The following KLF8 variants were observed in gnomAD, a reference collection of about 807,000 sequenced individuals.
KLF8 encodes the protein KLF transcription factor 8, also known as Krueppel-like factor 8.
In KLF8, 10 loss-of-function variants were observed where a neutral mutation model predicts 18.2. The ratio of observed to expected loss-of-function variants is 0.55; its 90% CI spans 0.34 to 0.93. The LOEUF is 0.93. Ranked by LOEUF, KLF8 falls within the 40% of genes least tolerant of loss-of-function variation. The pLI, the probability that KLF8 is intolerant of heterozygous loss-of-function variation, is 0.02. For synonymous variants in KLF8, 109 were observed against 97.3 expected (o/e 1.12, Z -0.71); for missense variants, 264 against 277.9 (o/e 0.95, Z 0.36).
the KLF8 span, among the ~76,000 whole-genome samples, chrX:55,947,671 G>A: frequency 1.8e-5 from 2 of 110,942 alleles, no homozygotes; most frequent in East Asian, 2.8e-4. Context: ...CTTGAGTGTT[G>A]GGGATCAGAG....
chrX:56,163,975 G>T, the KLF8 span, among the ~76,000 whole-genome samples: 2 of 111,881 alleles, frequency 1.8e-5, no homozygotes, highest in African/African-American at 6.5e-5. Flanking sequence ...CTTTGTACCA[G>T]TACCATCCTG....
At chrX:55,966,544 C>G in the KLF8 span, among the ~76,000 whole-genome samples, 2 of 112,263 alleles carry the variant, frequency 1.8e-5, no homozygotes, top group Non-Finnish European at 3.8e-5. Context: ...AGAACTACTG[C>G]ATTACTGGAC....
At chrX:56,119,083 A>G in the KLF8 span, among the ~76,000 whole-genome samples, 1 of 111,406 alleles carries the variant, frequency 9.0e-6, no homozygotes, top group Non-Finnish European at 1.9e-5. Flanking sequence ...TATCTGAGCC[A>G]TGGAATCAAA....
the KLF8 span, among the ~76,000 whole-genome samples, chrX:55,920,728 AAG>A: frequency 9.0e-6 from 1 of 111,590 alleles, no homozygotes; most frequent in African/African-American, 3.3e-5. Flanking sequence ...ACAAAGAAAA[AAG>A]AATTTTAAAA....
At chrX:56,080,072 A>C in the KLF8 span, among the ~76,000 whole-genome samples, 1 of 111,267 alleles carries the variant, frequency 9.0e-6, no homozygotes, top group African/African-American at 3.3e-5. Flanking sequence ...TCCTGAATAC[A>C]GCACCCTGAT....
At chrX:56,227,439 C>G (rs1301356868), upstream of KLF8, among the ~76,000 whole-genome samples, 1 of 109,851 alleles carries the variant, frequency 9.1e-6, no homozygotes, top group Non-Finnish European at 1.9e-5. Flanking sequence ...CAACCTCCGC[C>G]TCCCGGGTTC....
chrX:56,174,214 A>G, the KLF8 span, among the ~76,000 whole-genome samples: 89 of 111,956 alleles, frequency 7.9e-4, no homozygotes, highest in Non-Finnish European at 1.3e-3. Context: ...CCCATTCAGT[A>G]GGATATTGGC....
At chrX:56,203,575 T>G in the KLF8 span, among the ~76,000 whole-genome samples, 1 of 112,707 alleles carries the variant, frequency 8.9e-6, no homozygotes, top group Non-Finnish European at 1.9e-5. Flanking sequence ...GATTCAAGTC[T>G]TTAATCCATT....
chrX:56,253,492 G>A (rs756903367), intron 2 of KLF8, among the ~76,000 whole-genome samples: 2 of 111,201 alleles, frequency 1.8e-5, no homozygotes, highest in African/African-American at 3.3e-5. Flanking sequence ...TATGTTCCTG[G>A]CACCTTTGTA....
At chrX:55,989,954 T>G in the KLF8 span, among the ~76,000 whole-genome samples, 1 of 112,024 alleles carries the variant, frequency 8.9e-6, no homozygotes, top group African/African-American at 3.3e-5. Flanking sequence ...GTCAAGGAAT[T>G]TACCCATTTC....
chrX:56,276,808 T>C (rs2067129017), intron 5 of KLF8, among the ~76,000 whole-genome samples: 1 of 111,684 alleles, frequency 9.0e-6, no homozygotes, highest in Non-Finnish European at 1.9e-5. Context: ...GTTGGGAAGT[T>C]CTGTGTTATT....
the KLF8 span, among the ~76,000 whole-genome samples, chrX:56,082,506 A>G: frequency 1.9e-5 from 2 of 105,925 alleles, no homozygotes; most frequent in African/African-American, 6.8e-5. Flanking sequence ...ATTTGGATTT[A>G]GTCTTTTTTT....
At chrX:56,096,234 GC>G in the KLF8 span, among the ~76,000 whole-genome samples, 1 of 111,365 alleles carries the variant, frequency 9.0e-6, no homozygotes, top group Non-Finnish European at 1.9e-5. Flanking sequence ...ATAAGTGGGA[GC>G]TGAAGAATGG....
At chrX:56,034,849 G>A in the KLF8 span, among the ~76,000 whole-genome samples, 2 of 89,743 alleles carry the variant, frequency 2.2e-5, no homozygotes, top group Admixed American at 1.5e-4. Flanking sequence ...TCCGCCTCCC[G>A]GGTTCACGCC....
intron 1 of KLF8, among the ~76,000 whole-genome samples, chrX:56,236,751 C>T (rs1029637245): frequency 5.4e-5 from 6 of 110,201 alleles, no homozygotes; most frequent in Non-Finnish European, 1.1e-4. Flanking sequence ...TTCCTGTTCT[C>T]TAGCCACCCA....
chrX:55,957,517 T>A, the KLF8 span, among the ~76,000 whole-genome samples: 1 of 112,338 alleles, frequency 8.9e-6, no homozygotes, highest in African/African-American at 3.2e-5. Flanking sequence ...TCTTCCAGTC[T>A]ATGAACACAA....
the KLF8 span, among the ~76,000 whole-genome samples, chrX:56,052,463 C>T: frequency 8.9e-6 from 1 of 111,942 alleles, no homozygotes; most frequent in African/African-American, 3.3e-5. Context: ...GATGTCCTTT[C>T]TGTTTGTTAG....
chrX:56,181,961 G>A, the KLF8 span, among the ~76,000 whole-genome samples: 1 of 111,065 alleles, frequency 9.0e-6, no homozygotes, highest in Admixed American at 9.6e-5. Flanking sequence ...TTTTTGAGGA[G>A]TATCTTCGTG....
chrX:56,232,816 G>C lies in KLF8; in HGVS notation c.-519G>C, dbSNP rs1352355003. 1 of 115,830 alleles carries C rather than the reference G, an allele frequency of 8.6e-6. No individual in the cohort carries two copies. The highest frequency in any genetic ancestry group is 1.8e-5 in the Non-Finnish European group (1 of 56,017). 9.5% of individuals were successfully genotyped at this position (115,830 alleles called of 1,213,427 possible). A position where few individuals can be genotyped will look rare whatever the true frequency, so the allele number is the denominator to read the frequency against. On this transcript the variant is annotated 5_prime_UTR_variant, in exon 1 of 6. Coordinates refer to ENST00000468660, the MANE Select transcript of KLF8 (RefSeq NM_007250.5). ...CAACTTTATGTTCAAGTAGCGCTTT[G>C]GGGGTTGGGTTGGTTTTCATAGCCC...
Sources: allele counts gnomAD v4.1 joint callset (sites outside exome capture counted in the v4.1 genomes callset), GRCh38; gene constraint gnomAD v4.1.1; transcripts MANE v1.5; gene names NCBI Gene and HGNC (gene_info 2026-07-23, HGNC 2026-07-21).